The following KSR1 variants were observed in gnomAD, a reference collection of about 807,000 sequenced individuals.
KSR1 encodes the protein kinase suppressor of ras 1.
In KSR1, 35 loss-of-function variants were observed where a neutral mutation model predicts 92.9. The observed-to-expected ratio is 0.38, with a 90% CI of 0.29 to 0.50. The LOEUF (loss-of-function observed/expected upper bound fraction) is 0.50. Ranked by LOEUF, KSR1 falls within the 20% of genes least tolerant of loss-of-function variation. The pLI, the probability that KSR1 is intolerant of heterozygous loss-of-function variation, is 0.94. For missense variants in KSR1, 972 were observed against 1,158.5 expected, an observed-to-expected ratio of 0.84 and a Z score of 2.34; for synonymous variants, 467 against 472.6, an observed-to-expected ratio of 0.99 and a Z score of 0.15.
intron 1 of KSR1, among the ~76,000 whole-genome samples, chr17:27,482,563 C>T (rs1344766608): frequency 3.3e-5 from 5 of 152,108 alleles, no homozygotes; most frequent in East Asian, 1.9e-4. Flanking sequence ...ATACTGATGA[C>T]GAATTACAAA....
intron 1 of KSR1, among the ~76,000 whole-genome samples, chr17:27,488,970 A>T (rs578047442): frequency 1.6e-4 from 24 of 152,248 alleles, no homozygotes; most frequent in East Asian, 3.9e-4. Context: ...CTCAAAAAAA[A>T]TTTTTTTTTA....
At chr17:27,603,781 T>G in intron 11 of KSR1, 53 bp from the exon 12 acceptor site, 2 of 1,586,824 alleles carry the variant, frequency 1.3e-6, no homozygotes, top group Non-Finnish European at 1.7e-6. Context: ...CGGTGTCTCT[T>G]TGGGGAGAGG....
intron 1 of KSR1, among the ~76,000 whole-genome samples, chr17:27,521,107 A>G (rs574846814): frequency 6.6e-6 from 1 of 152,280 alleles, no homozygotes; most frequent in African/African-American, 2.4e-5. Flanking sequence ...GGGTGCTTTT[A>G]AAACACATCC....
chr17:27,605,118 A>G (rs965452584), intron 13 of KSR1, among the ~76,000 whole-genome samples: 5 of 152,206 alleles, frequency 3.3e-5, no homozygotes, highest in African/African-American at 1.2e-4. Context: ...GATGCAGTGA[A>G]ATTCTTCTAT....
At chr17:27,473,650 T>C (rs556800745) in intron 1 of KSR1, among the ~76,000 whole-genome samples, 16 of 152,056 alleles carry the variant, frequency 1.1e-4, no homozygotes, top group Non-Finnish European at 5.9e-5. Flanking sequence ...AGTGCTTGGG[T>C]GTGATGGTGA....
intron 1 of KSR1, among the ~76,000 whole-genome samples, chr17:27,516,445 G>A (rs2069796726): frequency 6.6e-6 from 1 of 152,136 alleles, no homozygotes; most frequent in African/African-American, 2.4e-5. Context: ...TCAATCCATT[G>A]TTGGAACAGA....
At chr17:27,467,705 C>G (rs1376582092) in intron 1 of KSR1, among the ~76,000 whole-genome samples, 1 of 152,104 alleles carries the variant, frequency 6.6e-6, no homozygotes, top group Admixed American at 6.5e-5. Flanking sequence ...GTCTGTTAAT[C>G]TCTAAGGGCC....
At chr17:27,494,152 A>T (rs914400151) in intron 1 of KSR1, among the ~76,000 whole-genome samples, 2 of 138,950 alleles carry the variant, frequency 1.4e-5, no homozygotes, top group African/African-American at 6.3e-5. Context: ...ACAGCAGGTT[A>T]AAAAAAAAAA....
intron 1 of KSR1, among the ~76,000 whole-genome samples, chr17:27,493,597 T>C (rs967861364): frequency 3.3e-5 from 5 of 152,216 alleles, no homozygotes; most frequent in African/African-American, 1.2e-4. Flanking sequence ...CAGGGAAATG[T>C]GTTCTTAATC....
chr17:27,462,013 G>C (rs1439395379), intron 1 of KSR1, among the ~76,000 whole-genome samples: 1 of 151,918 alleles, frequency 6.6e-6, no homozygotes, highest in African/African-American at 2.4e-5. Flanking sequence ...GGCTGGTTGA[G>C]ATCTCTTTTT....
intron 2 of KSR1, among the ~76,000 whole-genome samples, chr17:27,565,499 A>C (rs1460901884): frequency 6.6e-6 from 1 of 152,246 alleles, no homozygotes; most frequent in Non-Finnish European, 1.5e-5. Flanking sequence ...ATCTTGGCTC[A>C]CTGCATCCTC....
chr17:27,508,563 T>C (rs1451467066), intron 1 of KSR1, among the ~76,000 whole-genome samples: 1 of 152,084 alleles, frequency 6.6e-6, no homozygotes, highest in East Asian at 1.9e-4. Flanking sequence ...TTATTGCCTC[T>C]TCTCTCCAAC....
At chr17:27,598,540 G>A (rs989904198) in intron 10 of KSR1, among the ~76,000 whole-genome samples, 4 of 152,148 alleles carry the variant, frequency 2.6e-5, no homozygotes, top group Non-Finnish European at 5.9e-5. Context: ...ACATTCACGC[G>A]TTGTCCTGAG....
chr17:27,529,570 C>CTGCCAA (rs528836860), intron 1 of KSR1, among the ~76,000 whole-genome samples: 129 of 152,352 alleles, frequency 8.5e-4, no homozygotes, highest in Admixed American at 2.1e-3. Context: ...GGGAGTCCCT[C>CTGCCAA]TGCCAATGTT....
At chr17:27,585,560 C>T in intron 4 of KSR1, 97 bp from the exon 5 acceptor site, 1 of 719,406 alleles carries the variant, frequency 1.4e-6, no homozygotes, top group South Asian at 1.5e-5. Flanking sequence ...TCCTACGTCC[C>T]AGCCCCTTGC....
rs769213402 is a variant in KSR1 at position 27,623,490 on chromosome 17, G to C, written c.*98G>C. Reference sequence around the variant, plus strand: ...ACGACAAAAAAACACTGCCTGCCCAGCGCTGCAAACCAGGAGCACACGTCC... The same window carrying C: ...ACGACAAAAAAACACTGCCTGCCCACCGCTGCAAACCAGGAGCACACGTCC... On this transcript the variant is annotated 3_prime_UTR_variant, in exon 21 of 21. Coordinates refer to ENST00000644974, the MANE Select transcript of KSR1 (RefSeq NM_001394583.1). The C allele has an allele frequency of 2.0e-5, 14 of 700,218 alleles. No individual in the cohort carries two copies. Among genetic ancestry groups the C allele is most frequent in the Non-Finnish European group, 3.1e-5 (12 of 384,616 alleles). The allele number at this position is 700,218 out of a possible 1,614,324, so 43.4% of individuals were successfully genotyped here.
chr17:27,611,726 C>T lies in KSR1; in HGVS notation c.2493+97C>T, dbSNP rs947124844. ...CACTCACCCACCTGAGAAATGGGGT[C>T]GGTGAGGAGCTCTGCCACCTGCACG... On this transcript the variant is annotated intron_variant, in intron 18 of 20. Transcript: ENST00000644974. The T allele has an allele frequency of 2.7e-5, 39 of 1,430,596 alleles. No homozygotes were observed. In the Middle Eastern group the frequency reaches 1.1e-3, roughly 40 times the overall value. 88.6% of individuals were successfully genotyped at this position (1,430,596 alleles called of 1,614,324 possible).
In KSR1 at chr17:27,625,056, C is replaced by A. The variant is rs16966363; in HGVS notation, c.*1664C>A. ...GCTGTAAACCCCGTGGATTCAGCTC[C>A]GTGTGGAGTTTCTGTGCTATGGTGG... On this transcript the variant is annotated 3_prime_UTR_variant, in exon 21 of 21. Transcript: ENST00000644974. 1 of 152,254 alleles carries A rather than the reference C, an allele frequency of 6.6e-6. No homozygotes were observed. Among genetic ancestry groups the A allele is most frequent in the Admixed American group, 6.5e-5 (1 of 15,290 alleles). The allele number at this position is 152,254 out of a possible 1,614,324, so 9.4% of individuals were successfully genotyped here.
At position 27,569,326 on chromosome 17, in the gene KSR1, C is replaced by G. The variant is rs151154113; in HGVS notation, c.373-8166C>G. 4.4e-3 allele frequency among the ~76,000 whole-genome samples: 665 copies of G among 152,326 alleles called. 7 individuals carry two copies. Among genetic ancestry groups the G allele is most frequent in the African/African-American group, 0.016 (647 of 41,558 alleles). Reference sequence around the variant, plus strand: ...TGCAGGACACATCCGGCCATTTTCACACAGGAGCCTGGTTTTAGAAATGTG... The same window carrying G: ...TGCAGGACACATCCGGCCATTTTCAGACAGGAGCCTGGTTTTAGAAATGTG... On this transcript the variant is annotated intron_variant, in intron 2 of 20. Coordinates refer to ENST00000644974, the MANE Select transcript of KSR1 (RefSeq NM_001394583.1).
Sources: allele counts gnomAD v4.1 joint callset (sites outside exome capture counted in the v4.1 genomes callset), GRCh38; gene constraint gnomAD v4.1.1; transcripts MANE v1.5; gene names NCBI Gene and HGNC (gene_info 2026-07-23, HGNC 2026-07-21).